Variants in RPH3A observed in about 807,000 individuals in gnomAD.
RPH3A encodes rabphilin 3A.
RPH3A carries 48 observed loss-of-function variants against 102.2 expected under a neutral mutation model. That is an observed-to-expected ratio of 0.47 (90% CI 0.37 to 0.60). The LOEUF is 0.60. Ranked by LOEUF, RPH3A falls within the 20% of genes least tolerant of loss-of-function variation. RPH3A has a pLI of 0.00. For missense variants in RPH3A, 781 were observed against 910.1 expected, an observed-to-expected ratio of 0.86 and a Z score of 1.83; for synonymous variants, 310 against 324.3, an observed-to-expected ratio of 0.96 and a Z score of 0.47.
At chr12:112,762,830 A>G (rs1288462724) in intron 1 of RPH3A, among the ~76,000 whole-genome samples, 1 of 152,186 alleles carries the variant, frequency 6.6e-6, no homozygotes, top group Non-Finnish European at 1.5e-5. Flanking sequence ...TTCCAGAGAG[A>G]GTCTGAGATG....
At chr12:112,684,993 T>A (rs1452716861) in intron 1 of RPH3A, among the ~76,000 whole-genome samples, 1 of 152,200 alleles carries the variant, frequency 6.6e-6, no homozygotes, top group Non-Finnish European at 1.5e-5. Context: ...TCACCTAGGC[T>A]GTAGTGAAGT....
rs530585140 is a variant in RPH3A, at chr12:112,641,351, G to A, written c.-140+66032G>A. Among the ~76,000 whole-genome samples, 13 of 152,284 alleles carry A rather than the reference G, an allele frequency of 8.5e-5. No individual in the cohort carries two copies. The South Asian group carries it at 2.7e-3, about 32-fold the overall frequency. On this transcript the variant is annotated intron_variant, in intron 1 of 21. Transcript: ENST00000543106. ...CTGGATCAGAGACAGTGTTAAATGT[G>A]GTCAGATGTGAAGATTGGAATCTTT...
chr12:112,792,799 C>T (rs1285473638), intron 2 of RPH3A, among the ~76,000 whole-genome samples: 3 of 152,110 alleles, frequency 2.0e-5, no homozygotes, highest in Non-Finnish European at 2.9e-5. Flanking sequence ...GTGATTTTTG[C>T]GAGGTTGGCT....
intron 2 of RPH3A, among the ~76,000 whole-genome samples, chr12:112,805,823 C>T (rs963234759): frequency 1.3e-5 from 2 of 152,162 alleles, no homozygotes; most frequent in Non-Finnish European, 2.9e-5. Flanking sequence ...TTCGTCTATT[C>T]ATTTGATAAA....
chr12:112,712,031 C>T (rs1383374396), intron 1 of RPH3A, among the ~76,000 whole-genome samples: 1 of 152,030 alleles, frequency 6.6e-6, no homozygotes, highest in Non-Finnish European at 1.5e-5. Context: ...GGGGTTTCTC[C>T]ATGTTGGTCA....
intron 1 of RPH3A, among the ~76,000 whole-genome samples, chr12:112,674,559 C>A (rs2040159365): frequency 6.6e-6 from 1 of 152,102 alleles, no homozygotes; most frequent in East Asian, 1.9e-4. Flanking sequence ...CACCTTATGA[C>A]TTTATTTTTA....
At chr12:112,629,132 C>T (rs2039785819) in intron 1 of RPH3A, among the ~76,000 whole-genome samples, 1 of 152,056 alleles carries the variant, frequency 6.6e-6, no homozygotes, top group Non-Finnish European at 1.5e-5. Flanking sequence ...TAATCACAAA[C>T]CAGAAAGGGA....
At chr12:112,732,280 G>A (rs999759893) in intron 1 of RPH3A, among the ~76,000 whole-genome samples, 2 of 152,172 alleles carry the variant, frequency 1.3e-5, no homozygotes, top group Non-Finnish European at 2.9e-5. Context: ...GACTCAGTTT[G>A]GAGGTGGAGG....
intron 14 of RPH3A, among the ~76,000 whole-genome samples, chr12:112,879,836 C>A (rs2042876454): frequency 6.6e-6 from 1 of 152,204 alleles, no homozygotes; most frequent in South Asian, 2.1e-4. Flanking sequence ...GGCTCAGGAA[C>A]CAGGTTTCTT....
Position 112,847,716 on chromosome 12 carries a change from T to C in RPH3A, c.104T>C (p.Val35Ala). The part of the protein sequence containing the change: ...DKEQLQAGWS[V>A]HPGGQPDRQR... ...TTCAGGCTCCAGGCAGGCTGGTCCGTCCACCCCGGTGGTCAGCCTGACAGG... is the reference window on the plus strand; with the variant it reads ...TTCAGGCTCCAGGCAGGCTGGTCCGCCCACCCCGGTGGTCAGCCTGACAGG... Residue 35 changes from valine (V) to alanine (A), a missense_variant, in exon 5 of 22, where the codon GTC becomes GCC. Val to Ala is a moderately conservative substitution (Grantham distance 64, BLOSUM62 0). This residue lies in a region of RPH3A where 730 missense variants were observed against 810.0 expected (regional missense o/e 0.90). Transcript: ENST00000389385. The C allele has an allele frequency of 6.2e-7, 1 of 1,614,076 alleles. No individual in the cohort carries two copies. The highest frequency in any genetic ancestry group is 8.5e-7 in the Non-Finnish European group (1 of 1,179,996).
At chr12:112,841,106 G>A (rs1317094828) in intron 4 of RPH3A, among the ~76,000 whole-genome samples, 1 of 141,042 alleles carries the variant, frequency 7.1e-6, no homozygotes, top group Non-Finnish European at 1.5e-5. Flanking sequence ...TACTTGGAAG[G>A]CTGAGGTGGG....
At chr12:112,738,311 G>T (rs1254776060) in intron 1 of RPH3A, among the ~76,000 whole-genome samples, 1 of 151,910 alleles carries the variant, frequency 6.6e-6, no homozygotes, top group South Asian at 2.1e-4. Flanking sequence ...TCCCACCTCA[G>T]CCTCCCGAGT....
intron 1 of RPH3A, among the ~76,000 whole-genome samples, chr12:112,687,950 C>G (rs906187619): frequency 3.9e-5 from 6 of 152,190 alleles, no homozygotes; most frequent in African/African-American, 1.4e-4. Context: ...CCAGCTTCAA[C>G]AATCATGCTG....
intron 2 of RPH3A, among the ~76,000 whole-genome samples, chr12:112,801,847 A>G (rs927287843): frequency 2.6e-5 from 4 of 151,986 alleles, no homozygotes; most frequent in Admixed American, 6.6e-5. Flanking sequence ...GCGTATTTCT[A>G]TTGCTTGTAT....
chr12:112,597,561 C>T (rs184098964), intron 1 of RPH3A, among the ~76,000 whole-genome samples: 94 of 152,066 alleles, frequency 6.2e-4, no homozygotes, highest in Admixed American at 4.9e-3. Flanking sequence ...TGTGCCTTGG[C>T]GATGGGAGTG....
At chr12:112,868,702 A>G in intron 8 of RPH3A, 107 bp downstream of exon 8, 1 of 1,274,420 alleles carries the variant, frequency 7.8e-7, no homozygotes, top group East Asian at 2.4e-5. Flanking sequence ...CAGTTGTTGC[A>G]TGGTCAGCTT....
chr12:112,816,969 G>A (rs950789551), intron 2 of RPH3A, among the ~76,000 whole-genome samples: 1 of 152,172 alleles, frequency 6.6e-6, no homozygotes, highest in African/African-American at 2.4e-5. Flanking sequence ...CCATTTTGAG[G>A]TGGGTTCTGT....
intron 1 of RPH3A, among the ~76,000 whole-genome samples, chr12:112,762,138 A>T (rs957028004): frequency 2.0e-5 from 3 of 152,212 alleles, no homozygotes; most frequent in African/African-American, 4.8e-5. Context: ...ATATTACATT[A>T]TCTGTTATAG....
chr12:112,732,629 CAT>C lies in RPH3A; in HGVS notation c.-139-59513_-139-59512del, dbSNP rs1310361904. On this transcript the variant is annotated intron_variant, in intron 1 of 21. Coordinates refer to the RPH3A transcript ENST00000543106. ...GGGAGCAGAATAAGGTAGTGGGAAA[CAT>C]TGAGCTGCAGTGAGGGTCCAGTCAT... Among the ~76,000 whole-genome samples, 4 of 152,216 alleles carry C rather than the reference CAT, an allele frequency of 2.6e-5. No homozygotes were observed. The East Asian group carries it at 7.7e-4, about 29-fold the overall frequency.
Sources: allele counts gnomAD v4.1 joint callset (sites outside exome capture counted in the v4.1 genomes callset), GRCh38; gene constraint gnomAD v4.1.1; regional missense constraint gnomAD v4.1.1; transcripts MANE v1.5; gene names NCBI Gene and HGNC (gene_info 2026-07-23, HGNC 2026-07-21).